Variants in TENT2 observed in about 807,000 individuals in gnomAD.
The protein encoded by TENT2 is poly(A) RNA polymerase GLD2.
In TENT2, 44 loss-of-function variants were observed where a neutral mutation model predicts 72.2. The observed-to-expected ratio is 0.61, with a 90% confidence interval of 0.48 to 0.78. The LOEUF (loss-of-function observed/expected upper bound fraction) is 0.78, where lower values mean the gene tolerates loss of function less well. TENT2 is among the 30% of genes least tolerant of loss of function. The pLI is 0.00. For missense variants in TENT2, 541 were observed against 569.6 expected, an observed-to-expected ratio of 0.95 and a Z score of 0.51; for synonymous variants, 212 against 192.5, an observed-to-expected ratio of 1.10 and a Z score of -0.84.
chr5:79,682,403 C>T (rs1822671754), intron 14 of TENT2, among the ~76,000 whole-genome samples: 1 of 152,070 alleles, frequency 6.6e-6, no homozygotes, highest in Admixed American at 6.5e-5. Flanking sequence ...CCTCAGCCTC[C>T]CAGATAGCTT....
chr5:79,630,820 T>TG (rs1774804599), intron 4 of TENT2, among the ~76,000 whole-genome samples: 1 of 149,982 alleles, frequency 6.7e-6, no homozygotes, highest in Admixed American at 6.6e-5. Context: ...TATTCAGGTT[T>TG]TTTTTTTTTT....
At chr5:79,637,967 T>G (rs2150349376) in intron 4 of TENT2, among the ~76,000 whole-genome samples, 1 of 152,082 alleles carries the variant, frequency 6.6e-6, no homozygotes, top group Middle Eastern at 3.4e-3. Context: ...CCGGCTAATT[T>G]TTTTGTATTT....
In TENT2 at chr5:79,641,178, A is replaced by G; in HGVS notation, c.654A>G (p.Leu218=). 2 of 1,577,200 alleles carry G rather than the reference A, an allele frequency of 1.3e-6. No homozygotes were observed. Among genetic ancestry groups the G allele is most frequent in the Non-Finnish European group, 8.6e-7 (1 of 1,169,070 alleles). Reference sequence around the variant, plus strand: ...GGAGCAGTGATGGTGATTTATGCCTAGTTGTTAAGGAAGAACCAGTAAGTA... The same window carrying G: ...GGAGCAGTGATGGTGATTTATGCCTGGTTGTTAAGGAAGAACCAGTAAGTA... ...GTRSSDGDLC[L]VVKEEPCFFQ... is the part of the protein sequence containing the mutation. Residue 218 remains leucine, a synonymous_variant, in exon 6 of 15, where the codon CTA becomes CTG. Transcript: ENST00000453514.
chr5:79,615,678 T>C (rs1398932888), intron 1 of TENT2, among the ~76,000 whole-genome samples: 1 of 151,758 alleles, frequency 6.6e-6, no homozygotes, highest in African/African-American at 2.4e-5. Flanking sequence ...TTGCCAGTCT[T>C]GAATCTGGCA....
chr5:79,618,225 C>G (rs143441262), intron 1 of TENT2, among the ~76,000 whole-genome samples: 2 of 151,922 alleles, frequency 1.3e-5, no homozygotes, highest in African/African-American at 4.8e-5. Context: ...TTTCCCAGAG[C>G]CTGTTTATTT....
At chr5:79,665,470 G>C (rs1226366070) in intron 11 of TENT2, among the ~76,000 whole-genome samples, 1 of 152,154 alleles carries the variant, frequency 6.6e-6, no homozygotes, top group African/African-American at 2.4e-5. Context: ...CTGGCAAAAG[G>C]TATTTTTGCC....
At chr5:79,640,251 G>A (rs1185915507) in intron 4 of TENT2, among the ~76,000 whole-genome samples, 6 of 126,372 alleles carry the variant, frequency 4.7e-5, no homozygotes, top group African/African-American at 1.6e-4. Flanking sequence ...GTAAGACTCC[G>A]TCTCAAAAAA....
intron 11 of TENT2, among the ~76,000 whole-genome samples, chr5:79,667,626 A>G (rs1334859368): frequency 6.6e-6 from 1 of 152,206 alleles, no homozygotes; most frequent in South Asian, 2.1e-4. Flanking sequence ...TGGTTGGAAT[A>G]GAATTTTTAT....
rs952023095 is a variant in TENT2, at chr5:79,645,132, T to C, written c.761T>C (p.Ile254Thr). 1.9e-6 allele frequency: 3 copies of C among 1,603,990 alleles called. No homozygotes were observed. The highest frequency in any genetic ancestry group is 2.7e-5 in the African/African-American group (2 of 74,266). ...ATCTTTTGTCTTTCAGCGGGCTACA[T>C]TGAGAGACCTCAGCTGATTCGAGCA... ...KHFCTRLSGY[I>T]ERPQLIRAKV... is the part of the protein sequence containing the mutation. Residue 254 changes from isoleucine to threonine, a missense_variant, in exon 8 of 15, where the codon ATT becomes ACT. Ile to Thr is a moderately conservative substitution (Grantham distance 89). Coordinates refer to ENST00000453514, the MANE Select transcript of TENT2 (RefSeq NM_001114394.3).
At chr5:79,673,785 G>A (rs1209131155) in intron 12 of TENT2, among the ~76,000 whole-genome samples, 1 of 152,018 alleles carries the variant, frequency 6.6e-6, no homozygotes, top group Non-Finnish European at 1.5e-5. Flanking sequence ...TAAGCCTAGA[G>A]TCAGGAGACA....
chr5:79,618,551 C>G (rs1762277663), intron 1 of TENT2, among the ~76,000 whole-genome samples: 1 of 152,032 alleles, frequency 6.6e-6, no homozygotes, highest in Non-Finnish European at 1.5e-5. Context: ...TTTTAAATAG[C>G]ATATTCTTGT....
chr5:79,662,888 G>A (rs1340941660), intron 11 of TENT2, among the ~76,000 whole-genome samples: 2 of 152,146 alleles, frequency 1.3e-5, no homozygotes, highest in Non-Finnish European at 2.9e-5. Flanking sequence ...AGCTGTGAAG[G>A]TTCTAGATAG....
At chr5:79,634,239 T>C (rs964193950) in intron 4 of TENT2, among the ~76,000 whole-genome samples, 41 of 151,974 alleles carry the variant, frequency 2.7e-4, no homozygotes, top group Non-Finnish European at 4.7e-4. Context: ...ACAATGGCAA[T>C]TTTATTGGTA....
chr5:79,662,667 G>T (rs7724342), intron 11 of TENT2, among the ~76,000 whole-genome samples: 3 of 152,046 alleles, frequency 2.0e-5, no homozygotes, highest in African/African-American at 7.2e-5. Context: ...TCAGTGTACC[G>T]TGCTGTAAAG....
intron 4 of TENT2, 59 bp from the exon 5 acceptor site, chr5:79,640,792 T>C: frequency 1.0e-6 from 1 of 981,696 alleles, no homozygotes; most frequent in South Asian, 1.5e-5. Context: ...CTTCTCCATA[T>C]AGCAATTACT....
chr5:79,661,156 T>C (rs982845540), intron 11 of TENT2, among the ~76,000 whole-genome samples: 1 of 152,126 alleles, frequency 6.6e-6, no homozygotes, highest in Non-Finnish European at 1.5e-5. Flanking sequence ...GGTTAATTTA[T>C]TATTGAAGAA....
At position 79,679,657 on chromosome 5, in the gene TENT2, C is replaced by T; in HGVS notation, c.1287C>T (p.Tyr429=). The T allele has an allele frequency of 6.3e-7, 1 of 1,584,428 alleles. No individual in the cohort carries two copies. Residue 429 remains tyrosine, a synonymous_variant, in exon 13 of 15, where the codon TAC becomes TAT. Coordinates refer to ENST00000453514, the MANE Select transcript of TENT2 (RefSeq NM_001114394.3). ...RPDGIEWRNK[Y]ICVEEPFDGT... ...ATGGTATTGAATGGAGAAATAAATA[C>T]ATCTGTGTAGAAGGTAGTTTTCTGT... is the stretch of plus-strand genomic sequence containing the variant.
At chr5:79,670,096 A>G (rs1811754564) in intron 12 of TENT2, among the ~76,000 whole-genome samples, 1 of 151,586 alleles carries the variant, frequency 6.6e-6, no homozygotes, top group African/African-American at 2.4e-5. Context: ...GTGCATGCCT[A>G]TAATCCCAGC....
intron 10 of TENT2, among the ~76,000 whole-genome samples, chr5:79,651,605 G>T (rs539431021): frequency 5.9e-5 from 9 of 151,888 alleles, no homozygotes; most frequent in South Asian, 2.1e-4. Flanking sequence ...CACACATTTT[G>T]ATTTTTTTTG....
Sources: allele counts gnomAD v4.1 joint callset (sites outside exome capture counted in the v4.1 genomes callset), GRCh38; gene constraint gnomAD v4.1.1; transcripts MANE v1.5; gene names NCBI Gene and HGNC (gene_info 2026-07-23, HGNC 2026-07-21).